The following DPP10 variants were observed in gnomAD, a reference collection of about 807,000 sequenced individuals.
DPP10 encodes the protein dipeptidyl peptidase like 10, also known as inactive dipeptidyl peptidase 10.
DPP10 carries 33 observed loss-of-function variants against 120.9 expected under a neutral mutation model. The observed-to-expected ratio is 0.27, with a 90% CI of 0.21 to 0.37. The LOEUF (loss-of-function observed/expected upper bound fraction) is 0.37. DPP10 is among the 10% of genes least tolerant of loss of function. The pLI is 1.00. For missense variants in DPP10, 816 were observed against 942.8 expected, an observed-to-expected ratio of 0.87 and a Z score of 1.76; for synonymous variants, 337 against 326.1, an observed-to-expected ratio of 1.03 and a Z score of -0.36.
chr2:115,022,887 C>T (rs1703177275), intron 1 of DPP10, among the ~76,000 whole-genome samples: 1 of 152,050 alleles, frequency 6.6e-6, no homozygotes, highest in South Asian at 2.1e-4. Context: ...CAAACAAAAG[C>T]ATGTAGTGGG....
intron 2 of DPP10, among the ~76,000 whole-genome samples, chr2:115,338,606 ATGAGCCACCT>A: frequency 6.6e-6 from 1 of 152,080 alleles, no homozygotes; most frequent in East Asian, 1.9e-4. Flanking sequence ...GATTATAGAC[ATGAGCCACCT>A]TGCCCAGCTC....
At chr2:115,617,335 T>C (rs1227049614) in intron 5 of DPP10, among the ~76,000 whole-genome samples, 2 of 147,994 alleles carry the variant, frequency 1.4e-5, no homozygotes, top group East Asian at 3.9e-4. Context: ...TGTATACATA[T>C]ATGCTATGAA....
chr2:114,703,350 G>A (rs546664922), intron 1 of DPP10, among the ~76,000 whole-genome samples: 3 of 152,150 alleles, frequency 2.0e-5, no homozygotes, highest in Non-Finnish European at 4.4e-5. Context: ...AAATAGGCTA[G>A]CAGAGCTGCT....
At chr2:115,069,724 C>T (rs1707215905) in intron 1 of DPP10, among the ~76,000 whole-genome samples, 1 of 151,826 alleles carries the variant, frequency 6.6e-6, no homozygotes, top group Non-Finnish European at 1.5e-5. Context: ...AATTCTGCTT[C>T]CTCGAATCGC....
At chr2:115,163,263 C>A (rs2052573697) in intron 1 of DPP10, among the ~76,000 whole-genome samples, 1 of 152,176 alleles carries the variant, frequency 6.6e-6, no homozygotes, top group African/African-American at 2.4e-5. Flanking sequence ...ACACAGGAGG[C>A]CATGCCAGCG....
At chr2:114,775,744 T>G (rs1308213772) in intron 1 of DPP10, among the ~76,000 whole-genome samples, 2 of 152,212 alleles carry the variant, frequency 1.3e-5, no homozygotes, top group Non-Finnish European at 2.9e-5. Flanking sequence ...GTCACCACTC[T>G]TTGTTCATTC....
chr2:115,316,335 A>ATCCTT lies in DPP10; in HGVS notation c.175+6982_175+6983insTCCTT, dbSNP rs2061791884. On this transcript the variant is annotated intron_variant, in intron 2 of 25. Transcript: ENST00000410059. ...GTCATAATCCTTGTAATATAAGTTA[A>ATCCTT]GACATATTCTTGTGCCCATGGATGA... 2.6e-5 allele frequency among the ~76,000 whole-genome samples: 4 copies of ATCCTT among 152,316 alleles called. No individual in the cohort carries two copies. The East Asian group carries it at 7.7e-4, about 29-fold the overall frequency.
intron 19 of DPP10, among the ~76,000 whole-genome samples, chr2:115,804,935 A>G (rs1685739031): frequency 6.6e-6 from 1 of 152,200 alleles, no homozygotes; most frequent in African/African-American, 2.4e-5. Context: ...GCATGCTGGG[A>G]AAACTACTAC....
chr2:115,052,945 C>A (rs1208166223), intron 1 of DPP10, among the ~76,000 whole-genome samples: 1 of 113,738 alleles, frequency 8.8e-6, no homozygotes, highest in African/African-American at 3.2e-5. Flanking sequence ...GAGGGAGACT[C>A]CATCTCAAAA....
At chr2:115,170,896 C>T (rs2053267748) in intron 1 of DPP10, among the ~76,000 whole-genome samples, 1 of 152,164 alleles carries the variant, frequency 6.6e-6, no homozygotes, top group Admixed American at 6.5e-5. Flanking sequence ...CATTATTACA[C>T]ATTTCTATTT....
chr2:115,729,017 AT>A (rs1487701058), intron 8 of DPP10, among the ~76,000 whole-genome samples: 1 of 152,210 alleles, frequency 6.6e-6, no homozygotes, highest in Non-Finnish European at 1.5e-5. Context: ...ATGAAATAAG[AT>A]TTTTAGAGGC....
chr2:114,877,953 G>A (rs1691291758), intron 1 of DPP10, among the ~76,000 whole-genome samples: 1 of 151,852 alleles, frequency 6.6e-6, no homozygotes, highest in Admixed American at 6.6e-5. Context: ...TTTTAATACT[G>A]GAATAGTCAA....
intron 3 of DPP10, among the ~76,000 whole-genome samples, chr2:115,418,004 G>A (rs892331061): frequency 1.3e-5 from 2 of 152,110 alleles, no homozygotes; most frequent in East Asian, 1.9e-4. Context: ...TGGCTTTGAG[G>A]TTAAGCTAAA....
chr2:115,517,084 T>A (rs898174151), intron 4 of DPP10, among the ~76,000 whole-genome samples: 2 of 152,150 alleles, frequency 1.3e-5, no homozygotes, highest in African/African-American at 4.8e-5. Context: ...AACTTTCACA[T>A]GCCCTGTAAT....
chr2:115,603,480 A>G (rs770573049), intron 5 of DPP10, among the ~76,000 whole-genome samples: 46 of 151,336 alleles, frequency 3.0e-4, no homozygotes, highest in Admixed American at 7.2e-4. Context: ...GTGTAAGCTC[A>G]GGCCCTGGTG....
intron 1 of DPP10, among the ~76,000 whole-genome samples, chr2:114,650,507 G>A (rs1696505097): frequency 6.6e-6 from 1 of 152,154 alleles, no homozygotes; most frequent in African/African-American, 2.4e-5. Context: ...CATTAAGTGT[G>A]CTTTTCAATA....
chr2:115,136,532 C>T (rs1171353964), intron 1 of DPP10, among the ~76,000 whole-genome samples: 2 of 152,112 alleles, frequency 1.3e-5, no homozygotes, highest in Non-Finnish European at 2.9e-5. Context: ...CACACTCAGG[C>T]AGTTAGAACC....
At chr2:115,773,879 T>G (rs2149834214) in intron 13 of DPP10, among the ~76,000 whole-genome samples, 1 of 152,244 alleles carries the variant, frequency 6.6e-6, no homozygotes, top group African/African-American at 2.4e-5. Context: ...GACAGTCTTA[T>G]GTAGATTATT....
At chr2:115,319,461 A>G (rs903931261) in intron 2 of DPP10, among the ~76,000 whole-genome samples, 1 of 152,180 alleles carries the variant, frequency 6.6e-6, no homozygotes, top group South Asian at 2.1e-4. Context: ...TTTGAGAAAG[A>G]TGAGTGTTAA....
Sources: allele counts gnomAD v4.1 joint callset (sites outside exome capture counted in the v4.1 genomes callset), GRCh38; gene constraint gnomAD v4.1.1; transcripts MANE v1.5; gene names NCBI Gene and HGNC (gene_info 2026-07-23, HGNC 2026-07-21).